Variants in LECT2 observed in about 807,000 individuals in gnomAD.
LECT2 encodes leukocyte cell-derived chemotaxin-2.
Under a neutral mutation model 16.6 loss-of-function variants are expected in LECT2, and 11 were observed. The ratio of observed to expected loss-of-function variants is 0.66; its 90% CI spans 0.42 to 1.09. The LOEUF (loss-of-function observed/expected upper bound fraction) is 1.09. Ranked by LOEUF, LECT2 falls within the 50% of genes least tolerant of loss-of-function variation. The probability of loss-of-function intolerance (pLI) is 0.00; values close to 1 mark genes in which losing one functional copy is unlikely to be tolerated. For missense variants in LECT2, 173 were observed against 184.2 expected, an observed-to-expected ratio of 0.94 and a Z score of 0.35; for synonymous variants, 54 against 64.8, an observed-to-expected ratio of 0.83 and a Z score of 0.80.
intron 3 of LECT2, among the ~76,000 whole-genome samples, chr5:135,948,323 A>C (rs1349984954): frequency 6.6e-6 from 1 of 152,232 alleles, no homozygotes; most frequent in Non-Finnish European, 1.5e-5. Flanking sequence ...GGAAACATAG[A>C]TAGAAACCCA....
intron 3 of LECT2, 38 bp from the exon 4 acceptor site, chr5:135,947,535 A>G (rs1371756146): frequency 1.4e-6 from 2 of 1,466,168 alleles, no homozygotes; most frequent in Non-Finnish European, 1.8e-6. Flanking sequence ...TCTGGGCTTC[A>G]GTAATCTTGA....
At chr5:135,950,950 A>G (rs1195712362) in intron 3 of LECT2, 1 of 501,702 alleles carries the variant, frequency 2.0e-6, no homozygotes, top group Non-Finnish European at 3.5e-6. Flanking sequence ...ATCGGGTACT[A>G]TGCTTATTAC....
intron 3 of LECT2, among the ~76,000 whole-genome samples, chr5:135,947,868 A>T (rs1253247044): frequency 1.3e-5 from 2 of 152,246 alleles, no homozygotes; most frequent in African/African-American, 2.4e-5. Flanking sequence ...TATCAAAAGA[A>T]TTAAAAAGGC....
At chr5:135,950,893 C>T (rs1763783128) in intron 3 of LECT2, 3 of 367,098 alleles carry the variant, frequency 8.2e-6, no homozygotes, top group South Asian at 9.9e-5. Flanking sequence ...AATGGTGAAA[C>T]GTCCTTGAAA....
At chr5:135,950,036 C>G (rs1245296155) in intron 3 of LECT2, among the ~76,000 whole-genome samples, 1 of 152,194 alleles carries the variant, frequency 6.6e-6, no homozygotes, top group Non-Finnish European at 1.5e-5. Context: ...AGAGGACAAC[C>G]ACTATGTAGC....
intron 1 of LECT2, among the ~76,000 whole-genome samples, chr5:135,954,350 A>G (rs1763831972): frequency 6.6e-6 from 1 of 152,234 alleles, no homozygotes; most frequent in African/African-American, 2.4e-5. Context: ...AATATCAGAC[A>G]GTGTAGTAAT....
chr5:135,953,191 G>T, intron 1 of LECT2: 1 of 488,196 alleles, frequency 2.0e-6, no homozygotes, highest in African/African-American at 2.0e-5. Context: ...TGACGTTAGA[G>T]TATCAGTGAA....
At chr5:135,954,634 A>G (rs971437800) in intron 1 of LECT2, among the ~76,000 whole-genome samples, 154 bp downstream of exon 1, 1 of 152,228 alleles carries the variant, frequency 6.6e-6, no homozygotes, top group Non-Finnish European at 1.5e-5. Flanking sequence ...AAACATCCTC[A>G]GGACCATGTG....
In LECT2 at chr5:135,954,776, C is replaced by T. The variant is rs749371175; in HGVS notation, c.46+12G>A. The T allele has an allele frequency of 5.6e-6, 9 of 1,606,612 alleles. No individual in the cohort carries two copies. Among genetic ancestry groups the T allele is most frequent in the South Asian group, 1.1e-5 (1 of 90,808 alleles). On this transcript the variant is annotated intron_variant, in intron 1 of 3. Transcript: ENST00000274507. ...AGTTAATCAATATTCTAAAATTGCACTTTCGACTTACCGGTAGAAATCAGA... is the reference window on the plus strand; with the variant it reads ...AGTTAATCAATATTCTAAAATTGCATTTTCGACTTACCGGTAGAAATCAGA...
chr5:135,947,532 T>G, intron 3 of LECT2, 35 bp from the exon 4 acceptor site: 2 of 1,486,552 alleles, frequency 1.3e-6, no homozygotes, highest in Non-Finnish European at 1.8e-6. Flanking sequence ...TTATCTGGGC[T>G]TCAGTAATCT....
At position 135,947,462 on chromosome 5, in the gene LECT2, T is replaced by TGGTCC; in HGVS notation, c.324_325insGGACC (p.Lys109GlyfsTer91). Reference sequence around the variant, plus strand: ...CCCTTCTTAATAGGACCTTTATACTTAATTGGCTTAATGTAGAACATTTTG... The same window carrying TGGTCC: ...CCCTTCTTAATAGGACCTTTATACTTGGTCCAATTGGCTTAATGTAGAACATTTTG... On this transcript the variant is annotated frameshift_variant, in exon 4 of 4. Coordinates refer to ENST00000274507, the MANE Select transcript of LECT2 (RefSeq NM_002302.3). LOFTEE classifies it high-confidence loss of function. 1 of 1,613,708 alleles carries TGGTCC rather than the reference T, an allele frequency of 6.2e-7. No homozygotes were observed.
intron 3 of LECT2, 84 bp downstream of exon 3, chr5:135,951,139 A>T: frequency 7.6e-7 from 1 of 1,312,332 alleles, no homozygotes; most frequent in Non-Finnish European, 1.1e-6. Context: ...GAAGTACAAA[A>T]TCTCTACGTA....
At chr5:135,947,574 C>T in intron 3 of LECT2, 77 bp from the exon 4 acceptor site, 4 of 1,334,498 alleles carry the variant, frequency 3.0e-6, no homozygotes, top group Non-Finnish European at 3.9e-6. Flanking sequence ...AACAAATGGA[C>T]AAAAAATAAA....
rs749111902 is a variant in LECT2, at chr5:135,947,513, T to C, written c.290-16A>G. On this transcript the variant is annotated splice_polypyrimidine_tract_variant and intron_variant, in intron 3 of 3. Coordinates refer to ENST00000274507, the MANE Select transcript of LECT2 (RefSeq NM_002302.3). ...ACACAAAAACCTAAAAGAAAATAAGTATAATTATTTATCTGGGCTTCAGTA... is the reference window on the plus strand; with the variant it reads ...ACACAAAAACCTAAAAGAAAATAAGCATAATTATTTATCTGGGCTTCAGTA... The C allele has an allele frequency of 1.3e-6, 2 of 1,566,286 alleles. No homozygotes were observed. Among genetic ancestry groups the C allele is most frequent in the South Asian group, 2.4e-5 (2 of 82,348 alleles).
In LECT2 at chr5:135,947,230, G is replaced by A. The variant is rs1180735287; in HGVS notation, c.*101C>T. On this transcript the variant is annotated 3_prime_UTR_variant, in exon 4 of 4. Coordinates refer to ENST00000274507, the MANE Select transcript of LECT2 (RefSeq NM_002302.3). The stretch of plus-strand genomic sequence containing the variant: ...GAAAATGGGGTATCCATCCCTTCAT[G>A]CATTTTTCCTTTGTGAACACAAATT... 1.9e-6 allele frequency: 2 copies of A among 1,075,952 alleles called. No homozygotes were observed. Among genetic ancestry groups the A allele is most frequent in the Non-Finnish European group, 2.7e-6 (2 of 727,302 alleles). The allele number at this position is 1,075,952 out of a possible 1,614,324, so 66.7% of individuals were successfully genotyped here. A position where few individuals can be genotyped will look rare whatever the true frequency, so the allele number is the denominator to read the frequency against.
intron 3 of LECT2, 105 bp downstream of exon 3, chr5:135,951,118 T>C (rs1300081103): frequency 9.6e-6 from 11 of 1,149,070 alleles, no homozygotes; most frequent in Non-Finnish European, 1.3e-5. Flanking sequence ...CCAGGTTTTA[T>C]CATTTTGAAA....
Position 135,947,453 on chromosome 5 carries a change from C to T in LECT2, c.334G>A (p.Gly112Ser), listed in dbSNP as rs1265296338. The change falls in exon 4 of 4, where the codon GGT (glycine) becomes AGT (serine). Residue 112 changes from glycine to serine, a missense_variant. Physicochemically the swap from Gly to Ser is moderately conservative, Grantham distance 56. Transcript: ENST00000274507. ...MFYIKPIKYKGPIKKGEKLGT... is the reference protein window; with the variant it reads ...MFYIKPIKYKSPIKKGEKLGT... ...AGTTTTTCTCCCTTCTTAATAGGACCTTTATACTTAATTGGCTTAATGTAG... is the reference window on the plus strand; with the variant it reads ...AGTTTTTCTCCCTTCTTAATAGGACTTTTATACTTAATTGGCTTAATGTAG... 2 of 1,613,606 alleles carry T rather than the reference C, an allele frequency of 1.2e-6. No homozygotes were observed. The highest frequency in any genetic ancestry group is 2.7e-5 in the African/African-American group (2 of 74,868).
At chr5:135,954,420 T>C (rs31513) in intron 1 of LECT2, among the ~76,000 whole-genome samples, 120,471 of 152,208 alleles carry the variant, frequency 0.79, 48,426 homozygotes, top group African/African-American at 0.94. Flanking sequence ...TCTTAATCCA[T>C]ACCAGTCTCT....
At chr5:135,951,044 CTAAAA>C in intron 3 of LECT2, 174 bp downstream of exon 3, 1 of 623,284 alleles carries the variant, frequency 1.6e-6, no homozygotes, top group African/African-American at 1.8e-5. Context: ...ACCCCTGAAC[CTAAAA>C]TAAAAGTTTT....
Sources: gnomAD v4.1 joint callset for allele counts (sites outside exome capture counted in the v4.1 genomes callset) on GRCh38, gnomAD v4.1.1 for gene constraint, MANE v1.5 for transcripts, NCBI Gene and HGNC (gene_info 2026-07-23, HGNC 2026-07-21) for gene names.